The following GSAP variants were observed in gnomAD, a reference collection of about 807,000 sequenced individuals.
GSAP encodes gamma-secretase-activating protein.
In GSAP, 118 loss-of-function variants were observed where a neutral mutation model predicts 131.7. That is an observed-to-expected ratio of 0.90 (90% CI 0.77 to 1.04). The LOEUF is 1.04. Ranked by LOEUF, GSAP falls within the 50% of genes least tolerant of loss-of-function variation. The pLI, the probability that GSAP is intolerant of heterozygous loss-of-function variation, is 0.00. For synonymous variants in GSAP, 381 were observed against 363.4 expected (o/e 1.05, Z -0.55); for missense variants, 1,019 against 1,013.2 (o/e 1.01, Z -0.08).
At chr7:77,403,918 C>T (rs537386222) in intron 3 of GSAP, among the ~76,000 whole-genome samples, 2 of 152,306 alleles carry the variant, frequency 1.3e-5, no homozygotes, top group East Asian at 3.9e-4. Context: ...GGTATTCCCA[C>T]TCCTAGATAC....
chr7:77,402,076 C>G (rs28680299), intron 3 of GSAP, among the ~76,000 whole-genome samples: 18,691 of 151,838 alleles, frequency 0.12, 1,643 homozygotes, highest in East Asian at 0.4. Flanking sequence ...GGACATTACT[C>G]TACTAGTTTT....
rs1317023133 is a variant in GSAP, at chr7:77,413,876, C to A, written c.109+2337G>T. ...TCGGTGGTTTTTTTCTTTCTTTTAT[C>A]ATTTACAGCTACCTGTTAAAATATT... On this transcript the variant is annotated intron_variant, in intron 1 of 30. Coordinates refer to ENST00000257626, the MANE Select transcript of GSAP (RefSeq NM_017439.4). Among the ~76,000 whole-genome samples the A allele has an allele frequency of 6.7e-5, 10 of 148,974 alleles. No homozygotes were observed. The East Asian group carries it at 1.8e-3, about 26-fold the overall frequency.
At chr7:77,371,501 C>T (rs536384397) in intron 12 of GSAP, among the ~76,000 whole-genome samples, 1 of 150,402 alleles carries the variant, frequency 6.6e-6, no homozygotes, top group South Asian at 2.1e-4. Flanking sequence ...GTGGTGTGAC[C>T]TCAGCTCACT....
chr7:77,320,990 A>T (rs1042390631), intron 25 of GSAP, among the ~76,000 whole-genome samples, 171 bp from the exon 26 acceptor site: 7 of 152,208 alleles, frequency 4.6e-5, no homozygotes, highest in African/African-American at 1.4e-4. Context: ...AATGCCTAGA[A>T]TTTAATCAGA....
chr7:77,377,996 T>G (rs1229091770), intron 8 of GSAP, among the ~76,000 whole-genome samples: 1 of 152,238 alleles, frequency 6.6e-6, no homozygotes, highest in Non-Finnish European at 1.5e-5. Context: ...AAGCCTTCCC[T>G]CACATCCCCA....
At chr7:77,330,682 C>G (rs1788996553) in intron 19 of GSAP, 5 of 1,008,486 alleles carry the variant, frequency 5.0e-6, no homozygotes, top group South Asian at 8.2e-5. Flanking sequence ...GCAGGGAAAC[C>G]TGTATTAAAC....
chr7:77,398,539 A>T lies in GSAP; in HGVS notation c.244-1124T>A, dbSNP rs574274848. Among the ~76,000 whole-genome samples the T allele has an allele frequency of 9.7e-4, 148 of 152,322 alleles. No individual in the cohort carries two copies. The Middle Eastern group carries it at 0.014, about 14-fold the overall frequency. On this transcript the variant is annotated intron_variant, in intron 3 of 30. Transcript: ENST00000257626. ...TAAGTATAATCTCAATGTTTAAAAG[A>T]TTCAAACACTATCAAATAAAAAGTC...
intron 19 of GSAP, among the ~76,000 whole-genome samples, chr7:77,338,492 A>C (rs1471126427): frequency 6.6e-6 from 1 of 152,174 alleles, no homozygotes; most frequent in East Asian, 1.9e-4. Flanking sequence ...GGTACACCAA[A>C]ATACCATAAA....
intron 9 of GSAP, 28 bp downstream of exon 9, chr7:77,377,258 A>AAAAAAAAAAAAT: frequency 7.1e-7 from 1 of 1,400,738 alleles, no homozygotes; most frequent in African/African-American, 1.5e-5. Flanking sequence ...AAAAAAAAAA[A>AAAAAAAAAAAAT]GGAGTGCCCG....
chr7:77,340,990 C>T (rs1408077037), intron 19 of GSAP, among the ~76,000 whole-genome samples: 2 of 152,192 alleles, frequency 1.3e-5, no homozygotes, highest in African/African-American at 4.8e-5. Flanking sequence ...AACCTCTTCA[C>T]CTCTCACCTG....
intron 16 of GSAP, among the ~76,000 whole-genome samples, chr7:77,354,343 T>C (rs149986451): frequency 2.6e-3 from 398 of 152,252 alleles, no homozygotes; most frequent in African/African-American, 8.6e-3. Flanking sequence ...GAGAGTGTCA[T>C]TGGGTCAGTA....
At chr7:77,360,398 CTT>C (rs1794357308) in intron 14 of GSAP, among the ~76,000 whole-genome samples, 1 of 152,148 alleles carries the variant, frequency 6.6e-6, no homozygotes, top group South Asian at 2.1e-4. Context: ...GACTTGGAAA[CTT>C]TTCAAGATTA....
At chr7:77,404,517 T>C in intron 3 of GSAP, 42 bp downstream of exon 3, 1 of 989,824 alleles carries the variant, frequency 1.0e-6, no homozygotes, top group Non-Finnish European at 1.6e-6. Context: ...AAGAAAACTC[T>C]AAAGGCAGTA....
rs186807142 is a variant in GSAP, at chr7:77,388,120, T to C, written c.368-672A>G. Reference sequence around the variant, plus strand: ...AAAGTTTGACTTTAAAGTTTGACTTTGACATTTCTACAAATTCAACAGAGA... The same window carrying C: ...AAAGTTTGACTTTAAAGTTTGACTTCGACATTTCTACAAATTCAACAGAGA... On this transcript the variant is annotated intron_variant, in intron 5 of 30. Coordinates refer to ENST00000257626, the MANE Select transcript of GSAP (RefSeq NM_017439.4). 1.2e-4 allele frequency among the ~76,000 whole-genome samples: 19 copies of C among 152,348 alleles called. No individual in the cohort carries two copies. In the East Asian group the frequency reaches 3.7e-3, roughly 29 times the overall value.
intron 12 of GSAP, among the ~76,000 whole-genome samples, chr7:77,363,597 G>A (rs527654894): frequency 6.6e-6 from 1 of 152,148 alleles, no homozygotes; most frequent in East Asian, 1.9e-4. Context: ...AAGAATCGTG[G>A]TAGAAAAAAA....
At chr7:77,367,938 T>C (rs1207288558) in intron 12 of GSAP, among the ~76,000 whole-genome samples, 2 of 152,178 alleles carry the variant, frequency 1.3e-5, no homozygotes, top group African/African-American at 4.8e-5. Flanking sequence ...GGGAGGCTGT[T>C]TGTGTCCAGG....
chr7:77,364,385 AAAGT>A lies in GSAP; in HGVS notation c.872-1729_872-1726del, dbSNP rs1043779357. Among the ~76,000 whole-genome samples, 15 of 152,098 alleles carry A rather than the reference AAAGT, an allele frequency of 9.9e-5. 1 individual carries two copies. The highest frequency in any genetic ancestry group is 3.9e-4 in the East Asian group (2 of 5,180). On this transcript the variant is annotated intron_variant, in intron 12 of 30. Coordinates refer to ENST00000257626, the MANE Select transcript of GSAP (RefSeq NM_017439.4). ...ATGAAAGTTTTTCTCATTTTGAAAAAAAGTAAGATGTACATTCTCAGTAAACTAT... is the reference window on the plus strand; with the variant it reads ...ATGAAAGTTTTTCTCATTTTGAAAAAAAGATGTACATTCTCAGTAAACTAT...
chr7:77,406,557 C>T (rs1802302982), intron 1 of GSAP, among the ~76,000 whole-genome samples: 2 of 152,194 alleles, frequency 1.3e-5, no homozygotes, highest in African/African-American at 4.8e-5. Context: ...TGCCAGGTGT[C>T]TGAGTACTCA....
At chr7:77,383,794 A>G (rs1289652820) in intron 6 of GSAP, among the ~76,000 whole-genome samples, 1 of 152,242 alleles carries the variant, frequency 6.6e-6, no homozygotes, top group Admixed American at 6.5e-5. Context: ...ACTTGAAAGT[A>G]ATATAAAAGG....
Sources: allele counts gnomAD v4.1 joint callset (sites outside exome capture counted in the v4.1 genomes callset), GRCh38; gene constraint gnomAD v4.1.1; transcripts MANE v1.5; gene names NCBI Gene and HGNC (gene_info 2026-07-23, HGNC 2026-07-21).